MYO16: variants seen among roughly 807,000 people sequenced by gnomAD.
The protein encoded by MYO16 is unconventional myosin-XVI.
Under a neutral mutation model 205.3 loss-of-function variants are expected in MYO16, and 94 were observed. The observed-to-expected ratio is 0.46, with a 90% CI of 0.39 to 0.54. The LOEUF is 0.54. MYO16 is among the 20% of genes least tolerant of loss of function. The probability of loss-of-function intolerance (pLI) is 0.00; values close to 1 mark genes in which losing one functional copy is unlikely to be tolerated. For missense variants in MYO16, 2,315 were observed against 2,387.5 expected, an observed-to-expected ratio of 0.97 and a Z score of 0.63; for synonymous variants, 988 against 954.0, an observed-to-expected ratio of 1.04 and a Z score of -0.66.
Position 108,645,948 on chromosome 13 carries a change from G to A in MYO16, c.28+16076G>A, listed in dbSNP as rs188777574. On this transcript the variant is annotated intron_variant, in intron 1 of 34. Coordinates refer to ENST00000457511, the MANE Select transcript of MYO16 (RefSeq NM_001198950.3). ...TCCTGCCCCAGGGTGCAGGAAGGTG[G>A]GGACTCAAGAGCCAGGTGGGAAACC... Among the ~76,000 whole-genome samples the A allele has an allele frequency of 3.3e-3, 495 of 152,236 alleles. 3 individuals are homozygous for A. The highest frequency in any genetic ancestry group is 3.8e-3 in the Non-Finnish European group (256 of 67,994).
chr13:109,066,808 G>A (rs1424424603), intron 27 of MYO16, among the ~76,000 whole-genome samples: 1 of 152,096 alleles, frequency 6.6e-6, no homozygotes, highest in East Asian at 1.9e-4. Context: ...GCTGGTTTTG[G>A]CTCAAGGGCA....
chr13:108,918,537 G>GTGCC (rs1408376015), intron 16 of MYO16, among the ~76,000 whole-genome samples: 1 of 152,234 alleles, frequency 6.6e-6, no homozygotes, highest in East Asian at 1.9e-4. Flanking sequence ...GCCAGAGATG[G>GTGCC]TGCCCAGTGG....
At chr13:109,080,580 A>G (rs1431263) in intron 27 of MYO16, among the ~76,000 whole-genome samples, 11 of 14,192 alleles carry the variant, frequency 7.8e-4, no homozygotes, top group East Asian at 0.013. Flanking sequence ...GCCCCTCTTC[A>G]AAAAAAAAAA....
chr13:109,007,243 C>G (rs1885418935), intron 21 of MYO16, among the ~76,000 whole-genome samples: 1 of 152,076 alleles, frequency 6.6e-6, no homozygotes, highest in East Asian at 1.9e-4. Context: ...AAAAAATTAG[C>G]TGGGTGAGGT....
Position 109,140,605 on chromosome 13 carries a change from G to T in MYO16, c.4393G>T (p.Gly1465Cys), listed in dbSNP as rs1274282379. 1.3e-6 allele frequency: 2 copies of T among 1,518,764 alleles called. No homozygotes were observed. The highest frequency in any genetic ancestry group is 2.6e-5 in the East Asian group (1 of 38,018). 94.1% of individuals were successfully genotyped at this position (1,518,764 alleles called of 1,614,324 possible). Residue 1465 changes from glycine to cysteine, a missense_variant, in exon 32 of 35, where the codon GGC (glycine) becomes TGC (cysteine). Coordinates refer to ENST00000457511, the MANE Select transcript of MYO16 (RefSeq NM_001198950.3). This position sits in a 1 kb window ranked among gnomAD's most constrained non-coding sequence, Gnocchi z 8.0. ...GATGAAGTGTTGCCTGCCCGACGAC[G>T]GCGGCCCGGGCGCGGGCTCCTTCCT... ...EEMKCCLPDD[G>C]GPGAGSFLLH...
chr13:108,542,665 G>A, the MYO16 span, among the ~76,000 whole-genome samples: 1 of 152,040 alleles, frequency 6.6e-6, no homozygotes, highest in African/African-American at 2.4e-5. Context: ...TTATATAAAT[G>A]TGGCTATTGA....
intron 13 of MYO16, among the ~76,000 whole-genome samples, chr13:108,883,908 G>A (rs1244725436): frequency 6.6e-6 from 1 of 152,050 alleles, no homozygotes; most frequent in Non-Finnish European, 1.5e-5. Flanking sequence ...TACAGACATG[G>A]GCCACTGCAT....
chr13:108,614,249 G>A (rs2139323634), intron 1 of MYO16, among the ~76,000 whole-genome samples: 2 of 152,110 alleles, frequency 1.3e-5, no homozygotes, highest in Middle Eastern at 3.4e-3. Flanking sequence ...AGAACAAAGT[G>A]CTTAGGGATA....
chr13:109,152,802 G>T (rs906701338), intron 32 of MYO16, among the ~76,000 whole-genome samples: 1 of 152,312 alleles, frequency 6.6e-6, no homozygotes, highest in East Asian at 1.9e-4. Flanking sequence ...CAGGCAAAAT[G>T]ATAAAACTAG....
intron 27 of MYO16, among the ~76,000 whole-genome samples, chr13:109,058,467 TAA>T (rs1002348761): frequency 6.6e-6 from 1 of 152,168 alleles, no homozygotes; most frequent in African/African-American, 2.4e-5. Context: ...GCAAATCACA[TAA>T]AGTTTTTGGT....
intron 4 of MYO16, among the ~76,000 whole-genome samples, chr13:108,780,841 A>G (rs1298925148): frequency 6.6e-6 from 1 of 152,156 alleles, no homozygotes; most frequent in Non-Finnish European, 1.5e-5. Flanking sequence ...GAATAATACC[A>G]GGTAATAAGG....
rs766294311 is a variant in MYO16 at position 108,844,450 on chromosome 13, T to C, written c.1205T>C (p.Ile402Thr). 78 of 1,612,304 alleles carry C rather than the reference T, an allele frequency of 4.8e-5. No homozygotes were observed. The highest frequency in any genetic ancestry group is 5.9e-5 in the Non-Finnish European group (70 of 1,178,774). ...TGTAAGCAGCAGTCTCAGGACAGCA[T>C]CCCTGAAAACCCCATGATGAGCGGT... ...GLCKQQSQDS[I>T]PENPMMSGST... The change falls in exon 10 of 35, where the codon ATC (isoleucine) becomes ACC (threonine). Residue 402 changes from isoleucine to threonine, a missense_variant. Transcript: ENST00000457511.
the MYO16 span, among the ~76,000 whole-genome samples, chr13:108,505,684 A>G: frequency 6.6e-6 from 1 of 152,008 alleles, no homozygotes; most frequent in Non-Finnish European, 1.5e-5. Context: ...ATGTAGTCCT[A>G]TTTGTCAATT....
intron 31 of MYO16, among the ~76,000 whole-genome samples, chr13:109,136,451 C>G (rs962320808): frequency 6.6e-6 from 1 of 152,110 alleles, no homozygotes; most frequent in Admixed American, 6.5e-5. Context: ...CAGTGAGGAC[C>G]ATTTTATTTT....
intron 2 of MYO16, among the ~76,000 whole-genome samples, chr13:108,689,127 G>C (rs1882794515): frequency 9.3e-6 from 1 of 106,982 alleles, no homozygotes; most frequent in Admixed American, 1.2e-4. Context: ...AACTTTAGTT[G>C]ATAATCTTTA....
intron 28 of MYO16, among the ~76,000 whole-genome samples, chr13:109,117,476 G>GTGTA (rs1454741229): frequency 5.6e-4 from 83 of 147,034 alleles, no homozygotes; most frequent in African/African-American, 2.0e-3. Context: ...ATATATGTAT[G>GTGTA]TATATGTATA....
chr13:108,844,376 C>G lies in MYO16; in HGVS notation c.1131C>G (p.Asp377Glu). 6.2e-7 allele frequency: 1 copy of G among 1,613,110 alleles called. No homozygotes were observed. Among genetic ancestry groups the G allele is most frequent in the Non-Finnish European group, 8.5e-7 (1 of 1,179,382 alleles). The change falls in exon 10 of 35, where the codon GAC becomes GAG. Residue 377 changes from aspartate (D) to glutamate (E), a missense_variant. This residue lies in a region of MYO16 where 1,213 missense variants were observed against 1,274.4 expected (regional missense o/e 0.95). Coordinates refer to ENST00000457511, the MANE Select transcript of MYO16 (RefSeq NM_001198950.3). ...TGGTGTTACCAATTGCCAAGCAAGA[C>G]AGTTTGTTGGAAAAAGACATTATGT... ...SPLVLPIAKQ[D>E]SLLEKDIMFK...
intron 32 of MYO16, among the ~76,000 whole-genome samples, chr13:109,149,362 G>A (rs918750686): frequency 6.6e-6 from 1 of 152,100 alleles, no homozygotes; most frequent in Admixed American, 6.5e-5. Flanking sequence ...TCAGTGAGGC[G>A]GGTAAAGCAG....
At chr13:108,574,886 A>C in the MYO16 span, among the ~76,000 whole-genome samples, 3 of 152,052 alleles carry the variant, frequency 2.0e-5, no homozygotes, top group Non-Finnish European at 4.4e-5. Flanking sequence ...TAGTTCTATT[A>C]TAAGGTGTAC....
Sources: allele counts gnomAD v4.1 joint callset (sites outside exome capture counted in the v4.1 genomes callset), GRCh38; gene constraint gnomAD v4.1.1; regional missense constraint gnomAD v4.1.1; non-coding constraint Gnocchi (gnomAD v3.1); transcripts MANE v1.5; gene names NCBI Gene and HGNC (gene_info 2026-07-23, HGNC 2026-07-21).